The following PARD3B variants were observed in gnomAD, a reference collection of about 807,000 sequenced individuals.
PARD3B encodes the protein par-3 family cell polarity regulator beta, also known as partitioning defective 3 homolog B.
PARD3B carries 103 observed loss-of-function variants against 130.2 expected under a neutral mutation model. The ratio of observed to expected loss-of-function variants is 0.79; its 90% CI spans 0.67 to 0.93. PARD3B has a LOEUF of 0.93. Among genes scored for constraint, PARD3B ranks in the 40% least tolerant of loss-of-function variants. The pLI, the probability that PARD3B is intolerant of heterozygous loss-of-function variation, is 0.00. For missense variants in PARD3B, 1,609 were observed against 1,499.2 expected, an observed-to-expected ratio of 1.07 and a Z score of -1.21; for synonymous variants, 583 against 553.2, an observed-to-expected ratio of 1.05 and a Z score of -0.76.
chr2:204,706,663 T>C (rs1246284884), intron 2 of PARD3B, among the ~76,000 whole-genome samples: 2 of 150,918 alleles, frequency 1.3e-5, no homozygotes, highest in Non-Finnish European at 3.0e-5. Flanking sequence ...CACATTTTAG[T>C]GGAGGTAAAA....
chr2:205,117,965 G>C (rs1409933726), intron 6 of PARD3B, among the ~76,000 whole-genome samples: 1 of 14,556 alleles, frequency 6.9e-5, no homozygotes, highest in African/African-American at 1.6e-4. Flanking sequence ...TAATTCTAGT[G>C]GCTATAGTTT....
chr2:204,628,957 G>A (rs1362727960), intron 1 of PARD3B, among the ~76,000 whole-genome samples: 3 of 152,124 alleles, frequency 2.0e-5, no homozygotes, highest in Non-Finnish European at 4.4e-5. Flanking sequence ...ATATGGTAAA[G>A]GTTGTTTGGC....
intron 1 of PARD3B, among the ~76,000 whole-genome samples, chr2:204,617,251 G>T (rs1003928002): frequency 6.6e-6 from 1 of 152,158 alleles, no homozygotes; most frequent in Non-Finnish European, 1.5e-5. Flanking sequence ...GGCCTCTCCT[G>T]ATGATACTTT....
At chr2:204,654,838 G>A (rs1259615067) in intron 1 of PARD3B, among the ~76,000 whole-genome samples, 1 of 151,772 alleles carries the variant, frequency 6.6e-6, no homozygotes, top group Non-Finnish European at 1.5e-5. Flanking sequence ...TTTTTGTTGG[G>A]GCAAGTTTAT....
chr2:205,250,394 A>G (rs2039790847), intron 16 of PARD3B, among the ~76,000 whole-genome samples: 1 of 152,130 alleles, frequency 6.6e-6, no homozygotes, highest in African/African-American at 2.4e-5. Flanking sequence ...ATGGACTAAA[A>G]AGCTTGGCTA....
chr2:205,236,787 TACTGACATC>T (rs2039081717), intron 15 of PARD3B, among the ~76,000 whole-genome samples: 2 of 152,192 alleles, frequency 1.3e-5, no homozygotes, highest in Non-Finnish European at 2.9e-5. Flanking sequence ...CACATCACGT[TACTGACATC>T]ACTGATCAGT....
chr2:204,771,578 C>T (rs2041384538), intron 2 of PARD3B, among the ~76,000 whole-genome samples: 1 of 152,032 alleles, frequency 6.6e-6, no homozygotes, highest in Admixed American at 6.6e-5. Context: ...CTATGCTCAC[C>T]ACCTGGGTGA....
At chr2:204,880,453 A>AGATC (rs2045999272) in intron 2 of PARD3B, among the ~76,000 whole-genome samples, 1 of 152,024 alleles carries the variant, frequency 6.6e-6, no homozygotes, top group African/African-American at 2.4e-5. Flanking sequence ...CGAGGTCAGG[A>AGATC]GATCGAGACC....
In PARD3B at chr2:204,689,881, G is replaced by T. The variant is rs1245354376; in HGVS notation, c.222+3599G>T. On this transcript the variant is annotated intron_variant, in intron 2 of 22. Transcript: ENST00000406610. The surrounding 1 kb of genome is among the most constrained non-coding windows in gnomAD (Gnocchi z 5.2). ...CGCTTGTATCTATAATTTCTATTAC[G>T]AAAATTCATCAGTCATAAATTAACA... 6.6e-6 allele frequency among the ~76,000 whole-genome samples: 1 copy of T among 152,058 alleles called. No individual in the cohort carries two copies. Among genetic ancestry groups the T allele is most frequent in the African/African-American group, 2.4e-5 (1 of 41,416 alleles).
chr2:204,883,452 TA>T (rs1273914463), intron 2 of PARD3B, among the ~76,000 whole-genome samples: 3,496 of 105,840 alleles, frequency 0.033, 147 homozygotes, highest in African/African-American at 0.079. Context: ...TATATATATA[TA>T]TATTTTTTTT....
At chr2:205,513,615 C>G (rs79653595) in intron 21 of PARD3B, among the ~76,000 whole-genome samples, 1 of 152,064 alleles carries the variant, frequency 6.6e-6, no homozygotes, top group African/African-American at 2.4e-5. Context: ...TGTTCTGTCA[C>G]TTTGGCCCCA....
chr2:204,582,512 T>C (rs549306978), intron 1 of PARD3B, among the ~76,000 whole-genome samples: 34 of 145,790 alleles, frequency 2.3e-4, no homozygotes, highest in East Asian at 4.1e-4. Context: ...TTCCCCCCCC[T>C]CATTTCACAC....
chr2:204,620,466 A>C (rs1207016924), intron 1 of PARD3B, among the ~76,000 whole-genome samples: 1 of 152,226 alleles, frequency 6.6e-6, no homozygotes, highest in African/African-American at 2.4e-5. Context: ...GGCCAAAGTA[A>C]GTCGCAGCAC....
chr2:205,246,917 T>A (rs1485354031), intron 16 of PARD3B, among the ~76,000 whole-genome samples: 1 of 152,176 alleles, frequency 6.6e-6, no homozygotes, highest in Admixed American at 6.5e-5. Context: ...AATTGCCACA[T>A]GCTCCTTGCT....
At chr2:204,728,434 C>A (rs181035662) in intron 2 of PARD3B, among the ~76,000 whole-genome samples, 1 of 152,188 alleles carries the variant, frequency 6.6e-6, no homozygotes, top group Non-Finnish European at 1.5e-5. Flanking sequence ...AATGGGCCAG[C>A]TGGGCTGTGT....
intron 2 of PARD3B, among the ~76,000 whole-genome samples, chr2:204,735,477 GA>G (rs1351036513): frequency 3.9e-5 from 6 of 152,124 alleles, no homozygotes; most frequent in Non-Finnish European, 8.8e-5. Flanking sequence ...GCCAAATCCT[GA>G]ATGTAGAACA....
chr2:205,304,121 A>T (rs1279505042), intron 18 of PARD3B, among the ~76,000 whole-genome samples: 1 of 152,186 alleles, frequency 6.6e-6, no homozygotes, highest in Non-Finnish European at 1.5e-5. Context: ...CATTCCATAT[A>T]TAAGTGACAT....
intron 3 of PARD3B, among the ~76,000 whole-genome samples, chr2:204,970,161 A>G (rs1217817612): frequency 1.3e-5 from 2 of 152,108 alleles, no homozygotes; most frequent in Non-Finnish European, 2.9e-5. Flanking sequence ...TGCCTTCATG[A>G]TTAGTACCTG....
chr2:204,680,664 G>A (rs1487262037), intron 1 of PARD3B, among the ~76,000 whole-genome samples: 2 of 151,188 alleles, frequency 1.3e-5, no homozygotes, highest in African/African-American at 4.9e-5. Flanking sequence ...TGACACATTT[G>A]GCACTGATTT....
Sources: allele counts gnomAD v4.1 joint callset (sites outside exome capture counted in the v4.1 genomes callset), GRCh38; gene constraint gnomAD v4.1.1; non-coding constraint Gnocchi (gnomAD v3.1); transcripts MANE v1.5; gene names NCBI Gene and HGNC (gene_info 2026-07-23, HGNC 2026-07-21).